CSPP1: variants seen among roughly 807,000 people sequenced by gnomAD.
The protein encoded by CSPP1 is centrosome and spindle pole associated protein 1.
In CSPP1, 126 loss-of-function variants were observed where a neutral mutation model predicts 164.4. The ratio of observed to expected loss-of-function variants is 0.77; its 90% CI spans 0.66 to 0.89. The LOEUF is 0.89. Among genes scored for constraint, CSPP1 ranks in the 40% least tolerant of loss-of-function variants. The pLI is 0.00. For synonymous variants in CSPP1, 472 were observed against 476.7 expected (o/e 0.99, Z 0.13); for missense variants, 1,395 against 1,449.8 (o/e 0.96, Z 0.61).
chr8:67,188,739 GATCC>G (rs1402385088), intron 28 of CSPP1, among the ~76,000 whole-genome samples: 1 of 152,130 alleles, frequency 6.6e-6, no homozygotes, highest in South Asian at 2.1e-4. Context: ...CTACACTTCT[GATCC>G]AGCGGGGTGG....
chr8:67,117,879 T>C (rs1436759641), intron 13 of CSPP1, among the ~76,000 whole-genome samples: 1 of 152,204 alleles, frequency 6.6e-6, no homozygotes, highest in Non-Finnish European at 1.5e-5. Context: ...TTTAATTTGC[T>C]TGTACTATTA....
intron 28 of CSPP1, among the ~76,000 whole-genome samples, chr8:67,184,857 T>C (rs1207069669): frequency 6.9e-6 from 1 of 145,250 alleles, no homozygotes; most frequent in Admixed American, 7.2e-5. Context: ...CCCAGCACTT[T>C]GGGAGGCCGA....
At chr8:67,131,717 A>G (rs1002679829) in intron 15 of CSPP1, among the ~76,000 whole-genome samples, 2 of 152,228 alleles carry the variant, frequency 1.3e-5, no homozygotes, top group East Asian at 1.9e-4. Context: ...CTGTGTAACT[A>G]TCACCTAGCT....
At chr8:67,148,004 C>T (rs1456172068) in intron 17 of CSPP1, among the ~76,000 whole-genome samples, 1 of 152,000 alleles carries the variant, frequency 6.6e-6, no homozygotes, top group Non-Finnish European at 1.5e-5. Context: ...CTGCAACCTG[C>T]ACCCCCCCGG....
At chr8:67,068,912 A>G (rs1221064392) in intron 1 of CSPP1, among the ~76,000 whole-genome samples, 3 of 152,192 alleles carry the variant, frequency 2.0e-5, no homozygotes. Context: ...AGCTGATGTG[A>G]ATGACTACTG....
rs920556156 is a variant in CSPP1 at position 67,086,113 on chromosome 8, A to T, written c.303+3A>T. 5.7e-6 allele frequency: 7 copies of T among 1,223,504 alleles called. 1 individual carries two copies. Among genetic ancestry groups the T allele is most frequent in the Admixed American group, 1.7e-5 (1 of 59,478 alleles). The allele number at this position is 1,223,504 out of a possible 1,614,324, so 75.8% of individuals were successfully genotyped here. On this transcript the variant is annotated splice_donor_region_variant and intron_variant, in intron 4 of 30. Coordinates refer to ENST00000678616, the MANE Select transcript of CSPP1 (RefSeq NM_001382391.1). ...ATTACAGACGTTATCTTACTCAGGT[A>T]ATGAGTTCTATTAATGAGTTGGGTT...
chr8:67,166,535 T>C (rs1829334607), intron 24 of CSPP1, among the ~76,000 whole-genome samples: 1 of 152,158 alleles, frequency 6.6e-6, no homozygotes, highest in Non-Finnish European at 1.5e-5. Flanking sequence ...AAGGTACAGA[T>C]TGGCTTGATA....
At chr8:67,064,663 T>A (rs1436747738) in intron 1 of CSPP1, 125 bp downstream of exon 1, 11 of 386,968 alleles carry the variant, frequency 2.8e-5, no homozygotes, top group Non-Finnish European at 3.6e-5. Context: ...GCCGGCGACG[T>A]GCCAGAGTTA....
intron 6 of CSPP1, among the ~76,000 whole-genome samples, chr8:67,094,037 T>C (rs960538717): frequency 4.1e-5 from 6 of 145,192 alleles, no homozygotes; most frequent in Non-Finnish European, 8.9e-5. Context: ...GGAGAATCGC[T>C]TGAACCTGGG....
At chr8:67,175,938 C>CT (rs1831515266) in intron 26 of CSPP1, among the ~76,000 whole-genome samples, 1 of 152,184 alleles carries the variant, frequency 6.6e-6, no homozygotes, top group Non-Finnish European at 1.5e-5. Flanking sequence ...ACTAGGAGTG[C>CT]AGGTACTGGC....
intron 8 of CSPP1, among the ~76,000 whole-genome samples, chr8:67,103,756 C>T (rs544031330): frequency 2.7e-4 from 40 of 149,224 alleles, no homozygotes; most frequent in African/African-American, 9.1e-4. Flanking sequence ...AGGAGAATGG[C>T]GTGAACCCAG....
chr8:67,145,610 G>A lies in CSPP1; in HGVS notation c.1976-4173G>A, dbSNP rs187553221. ...ACAATCTCGGCTCACTGCAACCTCC[G>A]CCTCCCGGGTTCAAGTGATTCTCCT... On this transcript the variant is annotated intron_variant, in intron 17 of 30. Transcript: ENST00000678616. 4.4e-3 allele frequency among the ~76,000 whole-genome samples: 669 copies of A among 151,130 alleles called. 9 individuals carry two copies. Among genetic ancestry groups the A allele is most frequent in the African/African-American group, 0.015 (634 of 41,090 alleles).
At chr8:67,095,195 T>A in intron 6 of CSPP1, 98 bp from the exon 7 acceptor site, 3 of 615,900 alleles carry the variant, frequency 4.9e-6, no homozygotes, top group Non-Finnish European at 8.1e-6. Flanking sequence ...AACATCAGAG[T>A]TGAAATGATA....
At chr8:67,169,449 T>TA (rs1209374630) in intron 24 of CSPP1, among the ~76,000 whole-genome samples, 1 of 152,176 alleles carries the variant, frequency 6.6e-6, no homozygotes, top group African/African-American at 2.4e-5. Flanking sequence ...TTTCTGTTTT[T>TA]ATTTTTATTT....
intron 29 of CSPP1, among the ~76,000 whole-genome samples, chr8:67,192,231 C>T (rs903380151): frequency 3.3e-5 from 5 of 151,944 alleles, no homozygotes; most frequent in African/African-American, 1.2e-4. Flanking sequence ...CATGCCAACA[C>T]GCCTGGCTAA....
intron 1 of CSPP1, among the ~76,000 whole-genome samples, chr8:67,072,007 G>T (rs913845016): frequency 1.3e-5 from 2 of 152,138 alleles, no homozygotes; most frequent in Admixed American, 1.3e-4. Flanking sequence ...TTTTAGCTGG[G>T]CGTGGTGGCT....
chr8:67,177,710 T>C lies in CSPP1; in HGVS notation c.3140T>C (p.Val1047Ala), dbSNP rs781571671. 147 of 1,612,068 alleles carry C rather than the reference T, an allele frequency of 9.1e-5. No homozygotes were observed. The highest frequency in any genetic ancestry group is 1.2e-4 in the Non-Finnish European group (143 of 1,178,580). ...VDLDAIPSAK[V>A]REQRMPRDDT... ...TTAGATGCCATCCCAAGTGCTAAAG[T>C]ACGAGAGCAAAGAATGGTAAGCAAC... The change falls in exon 27 of 31, where the codon GTA becomes GCA. Residue 1047 changes from valine (V) to alanine (A), a missense_variant. Physicochemically the swap from Val to Ala is moderately conservative, Grantham distance 64 (BLOSUM62 0). Coordinates refer to ENST00000678616, the MANE Select transcript of CSPP1 (RefSeq NM_001382391.1).
chr8:67,118,212 A>G, intron 13 of CSPP1, 36 bp from the exon 14 acceptor site: 2 of 1,608,638 alleles, frequency 1.2e-6, no homozygotes, highest in Non-Finnish European at 1.7e-6. Context: ...TTGCAATGAA[A>G]TATGAGAGGA....
At chr8:67,128,420 T>C (rs886870466) in intron 15 of CSPP1, among the ~76,000 whole-genome samples, 11 of 152,114 alleles carry the variant, frequency 7.2e-5, no homozygotes, top group Admixed American at 4.6e-4. Flanking sequence ...ATGCCTGTAG[T>C]TCTAGCTACT....
Sources: gnomAD v4.1 joint callset for allele counts (sites outside exome capture counted in the v4.1 genomes callset) on GRCh38, gnomAD v4.1.1 for gene constraint, MANE v1.5 for transcripts, NCBI Gene and HGNC (gene_info 2026-07-23, HGNC 2026-07-21) for gene names.